Variants in BRINP1 observed in about 807,000 individuals in gnomAD.
The protein encoded by BRINP1 is BMP/retinoic acid-inducible neural-specific protein 1.
BRINP1 carries 17 observed loss-of-function variants against 72.9 expected under a neutral mutation model. That is an observed-to-expected ratio of 0.23 (90% CI 0.16 to 0.35). BRINP1 has a LOEUF of 0.35. Ranked by LOEUF, BRINP1 falls within the 10% of genes least tolerant of loss-of-function variation. The pLI is 1.00. For missense variants in BRINP1, 850 were observed against 1,001.6 expected, an observed-to-expected ratio of 0.85 and a Z score of 2.04; for synonymous variants, 418 against 378.5, an observed-to-expected ratio of 1.10 and a Z score of -1.21.
At chr9:119,301,197 G>A (rs1456203259) in intron 2 of BRINP1, among the ~76,000 whole-genome samples, 1 of 152,140 alleles carries the variant, frequency 6.6e-6, no homozygotes, top group Non-Finnish European at 1.5e-5. Context: ...AAGTCTCCTT[G>A]TCTTCCAGGG....
intron 2 of BRINP1, among the ~76,000 whole-genome samples, chr9:119,303,194 C>T (rs965704474): frequency 9.2e-5 from 14 of 151,970 alleles, no homozygotes; most frequent in African/African-American, 2.4e-4. Context: ...TGCTCAGCGA[C>T]GGAAGCTGTA....
chr9:119,281,265 C>T (rs1321502924), intron 2 of BRINP1, among the ~76,000 whole-genome samples: 1 of 152,148 alleles, frequency 6.6e-6, no homozygotes, highest in African/African-American at 2.4e-5. Context: ...TTTAAGAGCT[C>T]TTCATTTGTC....
chr9:119,337,751 G>A lies in BRINP1; in HGVS notation c.-50-24346C>T, dbSNP rs556013072. On this transcript the variant is annotated intron_variant, in intron 1 of 7. Coordinates refer to ENST00000265922, the MANE Select transcript of BRINP1 (RefSeq NM_014618.3). The stretch of plus-strand genomic sequence containing the variant: ...TTCCTCTGCCTGTTTCTGCCTCTTG[G>A]ACTTAGTTCAAGTTCCACCTAAGCT... 1.4e-4 allele frequency among the ~76,000 whole-genome samples: 21 copies of A among 152,304 alleles called. No individual in the cohort carries two copies. In the South Asian group the frequency reaches 4.1e-3, roughly 30 times the overall value.
rs6151155 is a variant in BRINP1, at chr9:119,367,221, GATATAT to G, written c.-51+1829_-51+1834del. On this transcript the variant is annotated intron_variant, in intron 1 of 7. Transcript: ENST00000265922. Reference sequence around the variant, plus strand: ...TGTGTGTGTGTGTGTGTGTGTGATTGATATATATATATATATATATATCTTCCTAGA... The same window carrying G: ...TGTGTGTGTGTGTGTGTGTGTGATTGATATATATATATATATCTTCCTAGA... Among the ~76,000 whole-genome samples the G allele has an allele frequency of 4.4e-4, 44 of 99,890 alleles. 2 individuals are homozygous for G. Among genetic ancestry groups the G allele is most frequent in the East Asian group, 2.8e-3 (4 of 1,404 alleles). The allele number at this position is 99,890 out of a possible 152,430, so 65.5% of individuals were successfully genotyped here. A position where few individuals can be genotyped will look rare whatever the true frequency, so the allele number is the denominator to read the frequency against.
At chr9:119,263,601 CTTT>C (rs386416080) in intron 2 of BRINP1, among the ~76,000 whole-genome samples, 4 of 78,560 alleles carry the variant, frequency 5.1e-5, no homozygotes, top group South Asian at 5.3e-4. Context: ...GTAAACAATT[CTTT>C]TTTTTTTTTT....
intron 2 of BRINP1, among the ~76,000 whole-genome samples, chr9:119,253,835 G>T (rs1442826703): frequency 1.3e-5 from 2 of 152,158 alleles, no homozygotes; most frequent in Admixed American, 6.5e-5. Context: ...AAGGACCACA[G>T]GATGAATGAC....
At chr9:119,315,449 T>C (rs1291193615) in intron 1 of BRINP1, among the ~76,000 whole-genome samples, 1 of 152,168 alleles carries the variant, frequency 6.6e-6, no homozygotes, top group Admixed American at 6.5e-5. Flanking sequence ...ACTTTATCGA[T>C]AAACCTGTGT....
intron 1 of BRINP1, among the ~76,000 whole-genome samples, chr9:119,361,697 G>A (rs1055313383): frequency 7.0e-6 from 1 of 143,852 alleles, no homozygotes; most frequent in African/African-American, 2.6e-5. Context: ...CTTGGCTCAC[G>A]GCAACTTCTA....
chr9:119,264,487 ACT>A (rs2118940958), intron 2 of BRINP1, among the ~76,000 whole-genome samples: 1 of 151,982 alleles, frequency 6.6e-6, no homozygotes, highest in Admixed American at 6.5e-5. Context: ...CAAATAGGAA[ACT>A]CTCTCGATTT....
intron 7 of BRINP1, among the ~76,000 whole-genome samples, chr9:119,180,485 G>A (rs1408899971): frequency 1.3e-5 from 1 of 77,044 alleles, no homozygotes; most frequent in Admixed American, 1.3e-4. Context: ...GTGCATGTGT[G>A]TGTGTGTGTG....
At chr9:119,206,514 A>G (rs1588163975) in intron 7 of BRINP1, among the ~76,000 whole-genome samples, 1 of 152,044 alleles carries the variant, frequency 6.6e-6, no homozygotes, top group African/African-American at 2.4e-5. Context: ...GTAGAAAAAA[A>G]CAACCATCCA....
intron 2 of BRINP1, among the ~76,000 whole-genome samples, chr9:119,253,299 A>G (rs1325398271): frequency 2.0e-5 from 3 of 152,226 alleles, no homozygotes; most frequent in Non-Finnish European, 2.9e-5. Flanking sequence ...TATTAAAGAG[A>G]TAGGACCATG....
chr9:119,222,858 A>G (rs544243510), intron 5 of BRINP1, among the ~76,000 whole-genome samples: 31 of 152,204 alleles, frequency 2.0e-4, no homozygotes, highest in Non-Finnish European at 4.1e-4. Flanking sequence ...ATAAAATTTC[A>G]ACATGAACAT....
chr9:119,328,246 T>C (rs1373831083), intron 1 of BRINP1, among the ~76,000 whole-genome samples: 1 of 152,124 alleles, frequency 6.6e-6, no homozygotes, highest in Non-Finnish European at 1.5e-5. Flanking sequence ...GCAAAATATC[T>C]GTTAGAATTA....
intron 5 of BRINP1, among the ~76,000 whole-genome samples, chr9:119,224,906 G>T (rs1194829795): frequency 6.6e-6 from 1 of 152,026 alleles, no homozygotes; most frequent in African/African-American, 2.4e-5. Context: ...TGCACTGTAT[G>T]TATATAATCC....
intron 1 of BRINP1, among the ~76,000 whole-genome samples, chr9:119,318,964 A>G (rs1831157075): frequency 6.6e-6 from 1 of 151,422 alleles, no homozygotes; most frequent in Admixed American, 6.6e-5. Flanking sequence ...CCAAGTGTGG[A>G]CCTTTTGCTC....
At chr9:119,338,513 T>C (rs1426387825) in intron 1 of BRINP1, among the ~76,000 whole-genome samples, 2 of 150,782 alleles carry the variant, frequency 1.3e-5, no homozygotes, top group Admixed American at 6.6e-5. Flanking sequence ...TTCCGGTTTC[T>C]GGAATTCAAT....
intron 2 of BRINP1, among the ~76,000 whole-genome samples, chr9:119,277,823 A>G (rs767822760): frequency 6.6e-6 from 1 of 152,184 alleles, no homozygotes; most frequent in Non-Finnish European, 1.5e-5. Context: ...TGAAGAAGGA[A>G]TTGAGGAATA....
At chr9:119,303,100 A>G (rs748776400) in intron 2 of BRINP1, among the ~76,000 whole-genome samples, 15 of 152,098 alleles carry the variant, frequency 9.9e-5, no homozygotes, top group Non-Finnish European at 2.2e-4. Context: ...CTTCTTTCTC[A>G]TACAAAGCAC....
Sources: allele counts gnomAD v4.1 joint callset (sites outside exome capture counted in the v4.1 genomes callset), GRCh38; gene constraint gnomAD v4.1.1; transcripts MANE v1.5; gene names NCBI Gene and HGNC (gene_info 2026-07-23, HGNC 2026-07-21).